FANCC: variants seen among roughly 807,000 people sequenced by gnomAD.
The protein encoded by FANCC is FA complementation group C, also known as Fanconi anemia group C protein.
A neutral mutation model predicts 71.3 loss-of-function variants in FANCC; 55 were observed. The observed-to-expected ratio is 0.77, with a 90% confidence interval of 0.62 to 0.97. The LOEUF (loss-of-function observed/expected upper bound fraction) is 0.97, where lower values mean the gene tolerates loss of function less well. Ranked by LOEUF, FANCC falls within the 50% of genes least tolerant of loss-of-function variation. The pLI is 0.00. For synonymous variants in FANCC, 275 were observed against 244.9 expected (o/e 1.12, Z -1.15); for missense variants, 678 against 670.9 (o/e 1.01, Z -0.12).
Position 95,170,970 on chromosome 9 carries a change from T to C in FANCC, c.521+109A>G, listed in dbSNP as rs3737142. ...ACTAAAATAATCTTTCTATATAAAA[T>C]ACAACCATAACTGAACATCCATTTC... On this transcript the variant is annotated intron_variant, in intron 6 of 14. Coordinates refer to ENST00000289081, the MANE Select transcript of FANCC (RefSeq NM_000136.3). The C allele has an allele frequency of 0.42, 348,133 of 820,710 alleles. 75,952 individuals carry two copies. Among genetic ancestry groups the C allele is most frequent in the East Asian group, 0.57 (22,144 of 38,528 alleles). 50.8% of individuals were successfully genotyped at this position (820,710 alleles called of 1,614,324 possible).
chr9:95,125,684 A>G (rs966313119), intron 9 of FANCC, among the ~76,000 whole-genome samples: 2 of 152,152 alleles, frequency 1.3e-5, no homozygotes, highest in African/African-American at 4.8e-5. Flanking sequence ...AAAACTCTCA[A>G]ATTTTGCTAG....
intron 14 of FANCC, among the ~76,000 whole-genome samples, chr9:95,103,093 T>C (rs528806994): frequency 2.0e-5 from 3 of 152,278 alleles, no homozygotes; most frequent in African/African-American, 7.2e-5. Context: ...AATGTGAGCC[T>C]GCTGTGGACC....
chr9:95,241,131 C>T (rs1270297158), intron 3 of FANCC, among the ~76,000 whole-genome samples: 1 of 152,160 alleles, frequency 6.6e-6, no homozygotes, highest in African/African-American at 2.4e-5. Flanking sequence ...TCAGTTTTTT[C>T]ACATTTCAAA....
chr9:95,267,969 A>C (rs1019185952), intron 1 of FANCC, among the ~76,000 whole-genome samples: 21 of 152,330 alleles, frequency 1.4e-4, no homozygotes, highest in Non-Finnish European at 2.6e-4. Flanking sequence ...GCAGCAGCAC[A>C]GCTCAGGAGC....
At chr9:95,293,828 T>C (rs1299054995) in intron 1 of FANCC, 16 of 1,613,048 alleles carry the variant, frequency 9.9e-6, no homozygotes, top group Admixed American at 6.7e-5. Context: ...CTCAAACCAG[T>C]GGGATACAAA....
chr9:95,127,468 A>T (rs960301514), intron 8 of FANCC: 1 of 152,094 alleles, frequency 6.6e-6, no homozygotes, highest in Non-Finnish European at 1.5e-5. Context: ...ATCAGAGGAC[A>T]ACCCGATTCC....
intron 14 of FANCC, among the ~76,000 whole-genome samples, chr9:95,102,514 A>G (rs1490247686): frequency 6.6e-6 from 1 of 152,238 alleles, no homozygotes; most frequent in Non-Finnish European, 1.5e-5. Flanking sequence ...CTTTAAGCAC[A>G]AGCAGTATTA....
chr9:95,128,930 G>C (rs1188153887), intron 8 of FANCC, among the ~76,000 whole-genome samples: 1 of 151,008 alleles, frequency 6.6e-6, no homozygotes, highest in East Asian at 1.9e-4. Context: ...TTTTGAGACA[G>C]GGTCTCATTC....
chr9:95,311,040 C>G (rs1588452906), intron 1 of FANCC, among the ~76,000 whole-genome samples: 1 of 152,050 alleles, frequency 6.6e-6, no homozygotes, highest in Non-Finnish European at 1.5e-5. Flanking sequence ...GTCAGGAGAT[C>G]AAGACCATCC....
intron 3 of FANCC, among the ~76,000 whole-genome samples, chr9:95,241,793 G>C (rs1309385480): frequency 6.6e-6 from 1 of 152,092 alleles, no homozygotes; most frequent in Non-Finnish European, 1.5e-5. Flanking sequence ...CTGAGTAGCT[G>C]GGACCACAGG....
At chr9:95,259,332 T>C (rs930976902) in intron 1 of FANCC, among the ~76,000 whole-genome samples, 2 of 152,152 alleles carry the variant, frequency 1.3e-5, no homozygotes, top group African/African-American at 4.8e-5. Context: ...ATGGTACTGG[T>C]ACCAAAACAG....
chr9:95,166,273 T>C (rs73532163), intron 6 of FANCC, among the ~76,000 whole-genome samples: 1,719 of 152,174 alleles, frequency 0.011, 30 homozygotes, highest in African/African-American at 0.039. Context: ...TTGTTTTCCA[T>C]ATACCTAGTA....
rs1194285740 is a variant in FANCC, at chr9:95,294,112, A to C, written c.-79+23414T>G. The C allele has an allele frequency of 4.3e-6, 7 of 1,610,104 alleles. No homozygotes were observed. The East Asian group carries it at 1.6e-4, about 36-fold the overall frequency. On this transcript the variant is annotated intron_variant, in intron 1 of 14. Coordinates refer to ENST00000289081, the MANE Select transcript of FANCC (RefSeq NM_000136.3). Reference sequence around the variant, plus strand: ...TCAGACCCAAACCATAGATTTATTAAGTGATTTGGAAAACATCTTGTCAAG... The same window carrying C: ...TCAGACCCAAACCATAGATTTATTACGTGATTTGGAAAACATCTTGTCAAG...
chr9:95,173,675 G>A lies in FANCC; in HGVS notation c.346-1528C>T, dbSNP rs1055734226. 3.9e-5 allele frequency among the ~76,000 whole-genome samples: 6 copies of A among 152,122 alleles called. No individual in the cohort carries two copies. The East Asian group carries it at 9.7e-4, about 25-fold the overall frequency. On this transcript the variant is annotated intron_variant, in intron 4 of 14. Transcript: ENST00000289081. ...TCACACCTATAATCACAGCACTTTG[G>A]AAGGCCGAGACGGGCAGATCACTTG...
chr9:95,259,007 A>G (rs186420883), intron 1 of FANCC, among the ~76,000 whole-genome samples: 1 of 152,346 alleles, frequency 6.6e-6, no homozygotes, highest in East Asian at 1.9e-4. Flanking sequence ...CTCTTCAAGG[A>G]GAACTACAAA....
chr9:95,269,718 C>T (rs1399470789), intron 1 of FANCC, among the ~76,000 whole-genome samples: 1 of 152,028 alleles, frequency 6.6e-6, no homozygotes, highest in Non-Finnish European at 1.5e-5. Flanking sequence ...CTGGTTATCA[C>T]GTAGTTTTGC....
At chr9:95,107,408 G>A (rs887650199) in intron 13 of FANCC, 139 bp from the exon 14 acceptor site, 14 of 897,780 alleles carry the variant, frequency 1.6e-5, no homozygotes, top group South Asian at 5.7e-5. Flanking sequence ...GGCAGCGGCC[G>A]AATTTACACT....
chr9:95,105,064 G>C (rs1304226888), intron 14 of FANCC, among the ~76,000 whole-genome samples: 1 of 152,236 alleles, frequency 6.6e-6, no homozygotes, highest in East Asian at 1.9e-4. Context: ...TCGCTGTGCT[G>C]GGGCCGGGCC....
chr9:95,235,734 C>G (rs1008637006), intron 4 of FANCC, among the ~76,000 whole-genome samples: 1 of 144,876 alleles, frequency 6.9e-6, no homozygotes, highest in Non-Finnish European at 1.5e-5. Context: ...ATCTGAGCTA[C>G]TTGGGAGGCT....
Sources: gnomAD v4.1 joint callset for allele counts (sites outside exome capture counted in the v4.1 genomes callset) on GRCh38, gnomAD v4.1.1 for gene constraint, MANE v1.5 for transcripts, NCBI Gene and HGNC (gene_info 2026-07-23, HGNC 2026-07-21) for gene names.